Variants in TMCO1 observed in about 807,000 individuals in gnomAD.
The protein encoded by TMCO1 is calcium load-activated calcium channel.
TMCO1 carries 29 observed loss-of-function variants against 29.3 expected under a neutral mutation model. The observed-to-expected ratio is 0.99, with a 90% CI of 0.74 to 1.35. TMCO1 has a LOEUF of 1.35. Ranked by LOEUF, TMCO1 falls within the 40% of genes most tolerant of loss-of-function variation. TMCO1 has a pLI of 0.00. For synonymous variants in TMCO1, 80 were observed against 77.1 expected, an observed-to-expected ratio of 1.04 and a Z score of -0.20; for missense variants, 173 against 225.5, an observed-to-expected ratio of 0.77 and a Z score of 1.49.
At chr1:165,731,193 C>T (rs1218731005) in intron 6 of TMCO1, among the ~76,000 whole-genome samples, 1 of 152,160 alleles carries the variant, frequency 6.6e-6, no homozygotes, top group Non-Finnish European at 1.5e-5. Context: ...GCCACCGTAC[C>T]TGGCCTGCAT....
chr1:165,727,927 A>G lies in TMCO1; in HGVS notation c.*96T>C, dbSNP rs1026918963. On this transcript the variant is annotated 3_prime_UTR_variant, in exon 7 of 7. Coordinates refer to ENST00000367881, the MANE Select transcript of TMCO1 (RefSeq NM_019026.6). ...TAATTCAAAACTAGAAAGAGGCCCA[A>G]GTAGTAAGGCTACCTATGGCTCTTG... The G allele has an allele frequency of 2.8e-5, 26 of 918,502 alleles. No homozygotes were observed. The highest frequency in any genetic ancestry group is 3.6e-5 in the Non-Finnish European group (21 of 582,716). The allele number at this position is 918,502 out of a possible 1,614,324, so 56.9% of individuals were successfully genotyped here. A position where few individuals can be genotyped will look rare whatever the true frequency, so the allele number is the denominator to read the frequency against.
downstream of TMCO1, chr1:165,725,431 T>C (rs1650835154): frequency 4.4e-6 from 2 of 453,988 alleles, no homozygotes; most frequent in Non-Finnish European, 8.8e-6. Context: ...CCAAACTAGC[T>C]TAGCTTTTAG....
At chr1:165,755,616 C>T (rs1652164651) in intron 3 of TMCO1, among the ~76,000 whole-genome samples, 1 of 152,132 alleles carries the variant, frequency 6.6e-6, no homozygotes, top group Non-Finnish European at 1.5e-5. Context: ...GAACATGCCA[C>T]TATACTTCAG....
Position 165,727,260 on chromosome 1 carries a change from C to T in TMCO1, c.*763G>A. ...CTGTAATAGGATATGAAGAGAACAG[C>T]TGAGGACCCTCATTTTTATTTATTT... On this transcript the variant is annotated 3_prime_UTR_variant, in exon 7 of 7. Transcript: ENST00000367881. The T allele has an allele frequency of 2.2e-6, 1 of 447,588 alleles. No individual in the cohort carries two copies. The highest frequency in any genetic ancestry group is 4.4e-6 in the Non-Finnish European group (1 of 224,880). 27.7% of individuals were successfully genotyped at this position (447,588 alleles called of 1,614,324 possible). A position where few individuals can be genotyped will look rare whatever the true frequency, so the allele number is the denominator to read the frequency against.
downstream of TMCO1, chr1:165,726,334 G>A (rs1172809154): frequency 5.8e-6 from 4 of 685,744 alleles, no homozygotes; most frequent in South Asian, 3.0e-5. Context: ...TTCCACCCAC[G>A]TTGACTACTT....
chr1:165,740,874 T>A (rs1255827232), intron 6 of TMCO1, among the ~76,000 whole-genome samples: 1 of 152,234 alleles, frequency 6.6e-6, no homozygotes, highest in African/African-American at 2.4e-5. Context: ...CCTCAGTAGA[T>A]GCCAGCACCA....
rs1057306772 is a variant in TMCO1 at position 165,767,599 on chromosome 1, T to C, written c.148+593A>G. Among the ~76,000 whole-genome samples the C allele has an allele frequency of 6.6e-5, 10 of 152,202 alleles. No individual in the cohort carries two copies. The South Asian group carries it at 8.3e-4, about 13-fold the overall frequency. ...TTTCCTTTCCCCATTTCATTCTCTA[T>C]CCAAATTCTAACTATCCACAAGGAA... On this transcript the variant is annotated intron_variant, in intron 2 of 6. Coordinates refer to ENST00000367881, the MANE Select transcript of TMCO1 (RefSeq NM_019026.6).
intron 6 of TMCO1, among the ~76,000 whole-genome samples, chr1:165,734,034 T>C (rs1484315239): frequency 6.6e-6 from 1 of 152,244 alleles, no homozygotes; most frequent in Non-Finnish European, 1.5e-5. Context: ...AACACACCTA[T>C]GGCAATCCTC....
intron 2 of TMCO1, among the ~76,000 whole-genome samples, chr1:165,764,156 A>C (rs1392729854): frequency 6.6e-6 from 1 of 152,240 alleles, no homozygotes; most frequent in African/African-American, 2.4e-5. Flanking sequence ...TGACATGAAG[A>C]AATGTATACA....
At chr1:165,730,696 G>A (rs1235801820) in intron 6 of TMCO1, among the ~76,000 whole-genome samples, 1 of 152,114 alleles carries the variant, frequency 6.6e-6, no homozygotes, top group Non-Finnish European at 1.5e-5. Flanking sequence ...CCGGGCTCAA[G>A]CATTCTTCCC....
intron 6 of TMCO1, among the ~76,000 whole-genome samples, chr1:165,734,502 CTTTT>C (rs1036842377): frequency 4.6e-5 from 7 of 151,878 alleles, no homozygotes; most frequent in Non-Finnish European, 1.0e-4. Flanking sequence ...AATTTCTATT[CTTTT>C]TTATTTTTAT....
intron 4 of TMCO1, among the ~76,000 whole-genome samples, chr1:165,752,937 A>G (rs1366066081): frequency 2.6e-5 from 4 of 152,332 alleles, no homozygotes; most frequent in African/African-American, 9.6e-5. Flanking sequence ...CAATGAGTTA[A>G]TAAGTACTGG....
At chr1:165,768,595 T>C in intron 1 of TMCO1, 87 bp downstream of exon 1, 1 of 1,606,962 alleles carries the variant, frequency 6.2e-7, no homozygotes, top group South Asian at 1.1e-5. Flanking sequence ...CAAGTAAGGC[T>C]CGCGATCTTT....
rs558751287 is a variant in TMCO1 at position 165,766,895 on chromosome 1, G to C, written c.148+1297C>G. On this transcript the variant is annotated intron_variant, in intron 2 of 6. Transcript: ENST00000367881. ...TCTGGCTTACACTACTGGAAGCATG[G>C]AGGTACCCATCACCAAGATAGGGAA... Among the ~76,000 whole-genome samples, 96 of 152,314 alleles carry C rather than the reference G, an allele frequency of 6.3e-4. 1 individual carries two copies. The South Asian group carries it at 0.019, about 30-fold the overall frequency.
At chr1:165,743,650 A>C (rs1571218380) in intron 5 of TMCO1, among the ~76,000 whole-genome samples, 1 of 152,046 alleles carries the variant, frequency 6.6e-6, no homozygotes, top group Non-Finnish European at 1.5e-5. Flanking sequence ...AAAATGAGAA[A>C]TGTTTAATAT....
At chr1:165,729,328 T>C (rs1327693203) in intron 6 of TMCO1, among the ~76,000 whole-genome samples, 2 of 151,466 alleles carry the variant, frequency 1.3e-5, no homozygotes, top group Non-Finnish European at 2.9e-5. Context: ...TCTTTTTTTT[T>C]TTTTTTGAGA....
chr1:165,744,903 A>G (rs769862942), intron 5 of TMCO1, among the ~76,000 whole-genome samples: 1 of 152,068 alleles, frequency 6.6e-6, no homozygotes, highest in Non-Finnish European at 1.5e-5. Flanking sequence ...ATAAGTAGCT[A>G]TATCTAGTCC....
intron 2 of TMCO1, among the ~76,000 whole-genome samples, chr1:165,760,432 C>CAA (rs11356353): frequency 1.1e-3 from 142 of 133,584 alleles, no homozygotes; most frequent in African/African-American, 3.4e-3. Context: ...CTCTGTTTCT[C>CAA]AAAAAAAAAA....
intron 6 of TMCO1, among the ~76,000 whole-genome samples, chr1:165,739,063 C>T (rs1051978544): frequency 1.3e-5 from 2 of 152,138 alleles, no homozygotes; most frequent in Admixed American, 1.3e-4. Context: ...TAGTATATAT[C>T]CTCCTTAACT....
Sources: allele counts gnomAD v4.1 joint callset (sites outside exome capture counted in the v4.1 genomes callset), GRCh38; gene constraint gnomAD v4.1.1; transcripts MANE v1.5; gene names NCBI Gene and HGNC (gene_info 2026-07-23, HGNC 2026-07-21).